The following XKR9 variants were observed in gnomAD, a reference collection of about 807,000 sequenced individuals.
The protein encoded by XKR9 is XK related 9.
XKR9 carries 32 observed loss-of-function variants against 32.0 expected under a neutral mutation model. That is an observed-to-expected ratio of 1.00 (90% CI 0.76 to 1.34). The LOEUF (loss-of-function observed/expected upper bound fraction) is 1.34. Among genes scored for constraint, XKR9 ranks in the 40% most tolerant of loss-of-function variants. The pLI, the probability that XKR9 is intolerant of heterozygous loss-of-function variation, is 0.00. For missense variants in XKR9, 546 were observed against 429.7 expected (o/e 1.27, Z -2.39); for synonymous variants, 168 against 143.4 (o/e 1.17, Z -1.22).
At chr8:71,052,830 T>C in the XKR9 span, among the ~76,000 whole-genome samples, 2 of 152,176 alleles carry the variant, frequency 1.3e-5, no homozygotes, top group Non-Finnish European at 2.9e-5. Flanking sequence ...ACAGGCCCCA[T>C]GGCAGGCTGA....
At chr8:70,773,103 C>G (rs538663009) in intron 2 of XKR9, among the ~76,000 whole-genome samples, 3 of 152,104 alleles carry the variant, frequency 2.0e-5, no homozygotes, top group Non-Finnish European at 4.4e-5. Flanking sequence ...TTGTAAAAGG[C>G]TCCAATATTT....
chr8:70,964,321 CTA>C, the XKR9 span, among the ~76,000 whole-genome samples: 1 of 152,272 alleles, frequency 6.6e-6, no homozygotes, highest in East Asian at 1.9e-4. Context: ...TTCCCTTGGT[CTA>C]TGTGTCCATT....
the XKR9 span, among the ~76,000 whole-genome samples, chr8:70,874,851 C>G: frequency 4.6e-5 from 7 of 152,094 alleles, no homozygotes; most frequent in Non-Finnish European, 8.8e-5. Context: ...GGTTTATGTC[C>G]TGTTTTCCCA....
At chr8:70,893,460 A>G in the XKR9 span, among the ~76,000 whole-genome samples, 21 of 152,144 alleles carry the variant, frequency 1.4e-4, no homozygotes, top group Middle Eastern at 3.2e-3. Flanking sequence ...TGGTGGAACA[A>G]TCATCTCTTT....
chr8:70,886,956 C>T, the XKR9 span, among the ~76,000 whole-genome samples: 8 of 151,716 alleles, frequency 5.3e-5, no homozygotes, highest in Non-Finnish European at 7.4e-5. Flanking sequence ...ATGAAATCTT[C>T]GCTTATGCCT....
At chr8:70,809,296 C>T in the XKR9 span, among the ~76,000 whole-genome samples, 12 of 152,232 alleles carry the variant, frequency 7.9e-5, no homozygotes, top group South Asian at 2.1e-4. Context: ...CTCATCCGTA[C>T]GTCACCATCA....
the XKR9 span, among the ~76,000 whole-genome samples, chr8:70,819,524 G>A: frequency 6.6e-6 from 1 of 152,148 alleles, no homozygotes; most frequent in Non-Finnish European, 1.5e-5. Flanking sequence ...ATTTAAAGCA[G>A]GGTTAAAATT....
At chr8:71,001,880 T>G in the XKR9 span, among the ~76,000 whole-genome samples, 24 of 152,330 alleles carry the variant, frequency 1.6e-4, no homozygotes, top group Admixed American at 3.3e-4. Context: ...CAACTATTTA[T>G]CTTCTGCTGT....
intron 2 of XKR9, among the ~76,000 whole-genome samples, chr8:70,782,117 A>T (rs1381990441): frequency 6.8e-6 from 1 of 147,678 alleles, no homozygotes; most frequent in East Asian, 1.9e-4. Context: ...CTTAGGTTGA[A>T]CTTCAAAGTC....
At chr8:70,813,927 G>A in the XKR9 span, among the ~76,000 whole-genome samples, 1 of 152,134 alleles carries the variant, frequency 6.6e-6, no homozygotes, top group Admixed American at 6.5e-5. Flanking sequence ...ATTTGACGCA[G>A]CAATCCCATT....
the XKR9 span, among the ~76,000 whole-genome samples, chr8:70,811,618 G>A: frequency 5.3e-5 from 8 of 152,088 alleles, no homozygotes; most frequent in Non-Finnish European, 7.4e-5. Flanking sequence ...TATTACCACC[G>A]ATCCCACAGA....
At chr8:70,684,427 A>G (rs1819189168) in intron 3 of XKR9, among the ~76,000 whole-genome samples, 2 of 152,142 alleles carry the variant, frequency 1.3e-5, no homozygotes, top group African/African-American at 2.4e-5. Flanking sequence ...TATCATTGCT[A>G]TCATTCATTT....
In XKR9 at chr8:70,697,394, G is replaced by T. The variant is rs1240354096; in HGVS notation, c.273-9539G>T. Among the ~76,000 whole-genome samples, 6 of 151,638 alleles carry T rather than the reference G, an allele frequency of 4.0e-5. No individual in the cohort carries two copies. In the South Asian group the frequency reaches 1.3e-3, roughly 32 times the overall value. On this transcript the variant is annotated intron_variant, in intron 3 of 4. Transcript: ENST00000408926. ...ATTTATTGAGAGTTTTTAGCATGAA[G>T]CGTTGTTGAATTTTGTCAAAGGCCT...
At chr8:71,020,875 A>G in the XKR9 span, among the ~76,000 whole-genome samples, 1 of 152,184 alleles carries the variant, frequency 6.6e-6, no homozygotes, top group Admixed American at 6.5e-5. Flanking sequence ...CTAACTGTAT[A>G]TTAGTACCTG....
chr8:70,945,355 G>A, the XKR9 span, among the ~76,000 whole-genome samples: 1 of 152,262 alleles, frequency 6.6e-6, no homozygotes, highest in African/African-American at 2.4e-5. Flanking sequence ...ATACTGCTGA[G>A]TAAAGTCTCA....
intron 3 of XKR9, chr8:70,683,437 T>A: frequency 2.4e-6 from 1 of 419,802 alleles, no homozygotes; most frequent in Non-Finnish European, 4.6e-6. Flanking sequence ...ATATTTATAC[T>A]CTCTTTATTT....
intron 2 of XKR9, among the ~76,000 whole-genome samples, chr8:70,761,763 T>A (rs1327502180): frequency 6.6e-6 from 1 of 152,200 alleles, no homozygotes. Flanking sequence ...TCATGAAATC[T>A]TTGCCCATGC....
At chr8:70,891,156 C>T in the XKR9 span, among the ~76,000 whole-genome samples, 1 of 151,052 alleles carries the variant, frequency 6.6e-6, no homozygotes, top group Non-Finnish European at 1.5e-5. Flanking sequence ...TTTGTTTTTG[C>T]TTTTATTTAT....
At chr8:70,755,775 G>A (rs1586885092) in intron 2 of XKR9, among the ~76,000 whole-genome samples, 1 of 144,332 alleles carries the variant, frequency 6.9e-6, no homozygotes, top group Admixed American at 6.9e-5. Context: ...GGGGGGAGGG[G>A]GGGAGGGTTA....
Sources: allele counts gnomAD v4.1 joint callset (sites outside exome capture counted in the v4.1 genomes callset), GRCh38; gene constraint gnomAD v4.1.1; transcripts MANE v1.5; gene names NCBI Gene and HGNC (gene_info 2026-07-23, HGNC 2026-07-21).